Variants in ULK2 observed in about 807,000 individuals in gnomAD.
ULK2 encodes unc-51 like autophagy activating kinase 2, also known as serine/threonine-protein kinase ULK2.
ULK2 carries 76 observed loss-of-function variants against 127.5 expected under a neutral mutation model. The observed-to-expected ratio is 0.60, with a 90% CI of 0.50 to 0.72. ULK2 has a LOEUF of 0.72. Ranked by LOEUF, ULK2 falls within the 30% of genes least tolerant of loss-of-function variation. The pLI is 0.00. For synonymous variants in ULK2, 452 were observed against 461.9 expected (o/e 0.98, Z 0.28); for missense variants, 1,144 against 1,295.9 (o/e 0.88, Z 1.80).
At chr17:19,785,196 AAAAT>A (rs747022417) in intron 21 of ULK2, among the ~76,000 whole-genome samples, 8 of 152,062 alleles carry the variant, frequency 5.3e-5, no homozygotes, top group South Asian at 2.1e-4. Flanking sequence ...CAAAAAATTA[AAAAT>A]AAATAAATAA....
chr17:19,856,701 A>T (rs1031579919), intron 3 of ULK2, among the ~76,000 whole-genome samples: 1 of 147,614 alleles, frequency 6.8e-6, no homozygotes, highest in Non-Finnish European at 1.5e-5. Flanking sequence ...GGCCGGGTGC[A>T]GTGGCTCACG....
chr17:19,818,614 C>A (rs2041053808), intron 12 of ULK2, among the ~76,000 whole-genome samples: 1 of 152,082 alleles, frequency 6.6e-6, no homozygotes, highest in Admixed American at 6.6e-5. Flanking sequence ...CTGTGCTCTG[C>A]ATTCCATGCT....
intron 5 of ULK2, among the ~76,000 whole-genome samples, chr17:19,847,408 T>C (rs1597806200): frequency 2.0e-5 from 3 of 152,220 alleles, no homozygotes; most frequent in Non-Finnish European, 2.9e-5. Context: ...TGTTCCTGCA[T>C]CTACTCTGTC....
At chr17:19,814,440 T>TA (rs1567696572) in intron 13 of ULK2, among the ~76,000 whole-genome samples, 29 of 7,038 alleles carry the variant, frequency 4.1e-3, no homozygotes, top group South Asian at 9.9e-3. Flanking sequence ...ATATATATAT[T>TA]TTTTTTTTTT....
rs570565325 is a variant in ULK2 at position 19,822,860 on chromosome 17, GTA to G, written c.924+2232_924+2233del. On this transcript the variant is annotated intron_variant, in intron 12 of 26. Transcript: ENST00000395544. ...TGCCACCATGCCCAGCTAATTTTTTGTATTTTCAGTAGAGATGGGGTTTCACC... is the reference window on the plus strand; with the variant it reads ...TGCCACCATGCCCAGCTAATTTTTTGTTTTCAGTAGAGATGGGGTTTCACC... Among the ~76,000 whole-genome samples, 9 of 152,018 alleles carry G rather than the reference GTA, an allele frequency of 5.9e-5. No homozygotes were observed. In the East Asian group the frequency reaches 1.7e-3, roughly 29 times the overall value.
At chr17:19,776,639 C>T (rs1407173625) in intron 26 of ULK2, among the ~76,000 whole-genome samples, 1 of 152,170 alleles carries the variant, frequency 6.6e-6, no homozygotes, top group African/African-American at 2.4e-5. Context: ...ACTCTTAGAA[C>T]TGCCATCCTC....
chr17:19,785,809 T>C (rs2087016713), intron 21 of ULK2, 128 bp downstream of exon 21: 2 of 1,163,548 alleles, frequency 1.7e-6, no homozygotes, highest in Non-Finnish European at 2.3e-6. Flanking sequence ...GTAATCTCCA[T>C]TTCACTGGTA....
At chr17:19,866,369 G>A (rs182246419) in intron 1 of ULK2, among the ~76,000 whole-genome samples, 5 of 151,864 alleles carry the variant, frequency 3.3e-5, no homozygotes, top group East Asian at 1.9e-4. Flanking sequence ...TTAGGCGGGC[G>A]TGGTGGCGGG....
At chr17:19,833,143 A>C (rs970442393) in intron 10 of ULK2, among the ~76,000 whole-genome samples, 1 of 151,700 alleles carries the variant, frequency 6.6e-6, no homozygotes, top group East Asian at 1.9e-4. Context: ...AAAAAAAAAA[A>C]AAAAAAACAG....
intron 3 of ULK2, among the ~76,000 whole-genome samples, chr17:19,862,539 C>G (rs1476118651): frequency 2.0e-5 from 3 of 151,824 alleles, no homozygotes; most frequent in Admixed American, 2.0e-4. Flanking sequence ...AATCTCAGCT[C>G]AATGTAACCT....
At chr17:19,789,982 AAAT>A (rs1339360498) in intron 20 of ULK2, among the ~76,000 whole-genome samples, 7 of 152,156 alleles carry the variant, frequency 4.6e-5, no homozygotes, top group Admixed American at 3.9e-4. Context: ...ACCCGATCAA[AAAT>A]AATAACTACA....
chr17:19,812,511 C>T (rs2087665726), intron 13 of ULK2, among the ~76,000 whole-genome samples: 2 of 152,212 alleles, frequency 1.3e-5, no homozygotes, highest in Admixed American at 1.3e-4. Context: ...AGAATACTTA[C>T]ACTGGCCTAC....
intron 12 of ULK2, among the ~76,000 whole-genome samples, chr17:19,818,865 A>AG (rs2041065406): frequency 8.0e-6 from 1 of 124,458 alleles, no homozygotes; most frequent in Non-Finnish European, 1.6e-5. Flanking sequence ...CAGTGGCATG[A>AG]TCTTGGCTCA....
chr17:19,814,438 A>C (rs55832161), intron 13 of ULK2, among the ~76,000 whole-genome samples: 2 of 23,334 alleles, frequency 8.6e-5, no homozygotes, highest in Non-Finnish European at 1.5e-4. Flanking sequence ...ATATATATAT[A>C]TTTTTTTTTT....
Position 19,865,819 on chromosome 17 carries a change from A to C in ULK2, c.100T>G (p.Trp34Gly), listed in dbSNP as rs1175359899. The change falls in exon 2 of 27, where the codon TGG (tryptophan) becomes GGG (glycine). Residue 34 changes from tryptophan (W) to glycine (G), a missense_variant. Physicochemically the swap from Trp to Gly is radical, Grantham distance 184. Coordinates refer to ENST00000395544, the MANE Select transcript of ULK2 (RefSeq NM_014683.4). ...TTAATACTTTTAATAGCTACCTCCCAATCAGTTTTCTGAAAAGGAAAAACA... is the reference window on the plus strand; with the variant it reads ...TTAATACTTTTAATAGCTACCTCCCCATCAGTTTTCTGAAAAGGAAAAACA... ...FRGRHRQKTD[W>G]EVAIKSINKK... 1.3e-6 allele frequency: 2 copies of C among 1,558,094 alleles called. No homozygotes were observed. Among genetic ancestry groups the C allele is most frequent in the Non-Finnish European group, 1.8e-6 (2 of 1,139,624 alleles).
intron 20 of ULK2, among the ~76,000 whole-genome samples, chr17:19,789,424 G>A (rs989686021): frequency 2.0e-5 from 3 of 152,192 alleles, no homozygotes; most frequent in African/African-American, 7.2e-5. Context: ...TCCCCAAGAA[G>A]GACGGGTACA....
chr17:19,864,227 G>A (rs906868131), intron 3 of ULK2, among the ~76,000 whole-genome samples: 5 of 152,172 alleles, frequency 3.3e-5, no homozygotes, highest in African/African-American at 1.2e-4. Context: ...CAGTACTTTG[G>A]GAGGCCAAGG....
chr17:19,835,541 C>T (rs2152395432), intron 10 of ULK2, among the ~76,000 whole-genome samples: 1 of 149,268 alleles, frequency 6.7e-6, no homozygotes, highest in African/African-American at 2.5e-5. Flanking sequence ...ACGGTGAAAC[C>T]CCGTCTCTAC....
Position 19,782,559 on chromosome 17 carries a change from T to C in ULK2, c.2461-492A>G, listed in dbSNP as rs547370189. Among the ~76,000 whole-genome samples the C allele has an allele frequency of 2.0e-5, 3 of 152,346 alleles. No homozygotes were observed. In the South Asian group the frequency reaches 6.2e-4, roughly 32 times the overall value. On this transcript the variant is annotated intron_variant, in intron 22 of 26. Coordinates refer to ENST00000395544, the MANE Select transcript of ULK2 (RefSeq NM_014683.4). ...AAAGCTCTAACTTTCTGTGATCTTTTCAGTTAGTTAAAGAGGGGAGTGTGG... is the reference window on the plus strand; with the variant it reads ...AAAGCTCTAACTTTCTGTGATCTTTCCAGTTAGTTAAAGAGGGGAGTGTGG...
Sources: allele counts gnomAD v4.1 joint callset (sites outside exome capture counted in the v4.1 genomes callset), GRCh38; gene constraint gnomAD v4.1.1; transcripts MANE v1.5; gene names NCBI Gene and HGNC (gene_info 2026-07-23, HGNC 2026-07-21).